The following THSD7A variants were observed in gnomAD, a reference collection of about 807,000 sequenced individuals.
The protein encoded by THSD7A is thrombospondin type 1 domain containing 7A.
THSD7A carries 96 observed loss-of-function variants against 231.3 expected under a neutral mutation model. The ratio of observed to expected loss-of-function variants is 0.41; its 90% CI spans 0.35 to 0.49. The LOEUF is 0.49. Among genes scored for constraint, THSD7A ranks in the 20% least tolerant of loss-of-function variants. THSD7A has a pLI of 0.05. For synonymous variants in THSD7A, 940 were observed against 743.3 expected (o/e 1.26, Z -4.30); for missense variants, 2,290 against 2,070.2 (o/e 1.11, Z -2.06).
At chr7:11,519,544 C>T (rs1788175890) in intron 6 of THSD7A, among the ~76,000 whole-genome samples, 1 of 152,302 alleles carries the variant, frequency 6.6e-6, no homozygotes, top group East Asian at 1.9e-4. Flanking sequence ...TCCACATCCT[C>T]GCTAACTCTT....
Position 11,376,624 on chromosome 7 carries a change from G to A in THSD7A, c.4835C>T (p.Ala1612Val). 1 of 1,587,776 alleles carries A rather than the reference G, an allele frequency of 6.3e-7. No homozygotes were observed. Among genetic ancestry groups the A allele is most frequent in the Non-Finnish European group, 8.6e-7 (1 of 1,166,184 alleles). Residue 1612 changes from alanine to valine, a missense_variant, in exon 27 of 28, where the codon GCA (alanine) becomes GTA (valine). By Grantham distance (64) the Ala-to-Val change is moderately conservative. Coordinates refer to ENST00000423059, the MANE Select transcript of THSD7A (RefSeq NM_015204.3). ...GRLKTWVYGV[A>V]AGAFVLLIFI... Reference sequence around the variant, plus strand: ...GATGAGTAACACAAATGCCCCAGCTGCTACACCGTAAACCCAGGTCTTTAG... The same window carrying A: ...GATGAGTAACACAAATGCCCCAGCTACTACACCGTAAACCCAGGTCTTTAG...
At position 11,412,722 on chromosome 7, in the gene THSD7A, T is replaced by C; in HGVS notation, c.3616A>G (p.Asn1206Asp). 6.2e-7 allele frequency: 1 copy of C among 1,613,776 alleles called. No homozygotes were observed. Among genetic ancestry groups the C allele is most frequent in the Non-Finnish European group, 8.5e-7 (1 of 1,179,818 alleles). ...TTACAGGGTTCTTTCTCAACAGCAT[T>C]AGGGCAAGATCTTCCTTCATCAGCT... ...QPADEGRSCP[N>D]AVEKEPCNLN... is the part of the protein sequence containing the mutation. Residue 1206 changes from asparagine (N) to aspartate (D), a missense_variant, in exon 18 of 28, where the codon AAT becomes GAT. Asn to Asp is a conservative substitution (Grantham distance 23, BLOSUM62 1). Transcript: ENST00000423059.
intron 11 of THSD7A, among the ~76,000 whole-genome samples, 194 bp from the exon 12 acceptor site, chr7:11,447,618 A>C (rs1785014705): frequency 6.6e-6 from 1 of 152,130 alleles, no homozygotes; most frequent in Non-Finnish European, 1.5e-5. Context: ...AATAACACAC[A>C]ACCCTGAGTG....
At chr7:11,698,470 A>G (rs1780469596) in intron 1 of THSD7A, among the ~76,000 whole-genome samples, 1 of 150,706 alleles carries the variant, frequency 6.6e-6, no homozygotes, top group Admixed American at 6.6e-5. Context: ...ACCTCTTACT[A>G]TATTTGCCAT....
At chr7:11,675,721 T>C (rs114397431) in intron 1 of THSD7A, among the ~76,000 whole-genome samples, 8,035 of 152,194 alleles carry the variant, frequency 0.053, 705 homozygotes, top group African/African-American at 0.18. Flanking sequence ...CTAGAATCCT[T>C]CTCTCTGGGC....
At chr7:11,754,281 G>A (rs1782604295) in intron 1 of THSD7A, among the ~76,000 whole-genome samples, 2 of 151,880 alleles carry the variant, frequency 1.3e-5, no homozygotes, top group Non-Finnish European at 2.9e-5. Context: ...AGAGAGTAAC[G>A]GAAGTGAGAA....
intron 4 of THSD7A, among the ~76,000 whole-genome samples, chr7:11,571,327 T>G (rs6949833): frequency 0.41 from 61,651 of 151,964 alleles, 13,166 homozygotes; most frequent in African/African-American, 0.54. Context: ...CTCATTTACT[T>G]ACTCATTCCC....
chr7:11,666,819 T>C (rs1210260298), intron 1 of THSD7A, among the ~76,000 whole-genome samples: 3 of 152,018 alleles, frequency 2.0e-5, no homozygotes, highest in Non-Finnish European at 4.4e-5. Context: ...AGAGCAGTAA[T>C]CAGATCATAA....
rs1427411570 is a variant in THSD7A, at chr7:11,417,372, CA to C, written c.3537+77del. 2.1e-5 allele frequency: 28 copies of C among 1,339,566 alleles called. 1 individual carries two copies. Among genetic ancestry groups the C allele is most frequent in the African/African-American group, 6.0e-5 (4 of 66,304 alleles). 83.0% of individuals were successfully genotyped at this position (1,339,566 alleles called of 1,614,324 possible). A position where few individuals can be genotyped will look rare whatever the true frequency, so the allele number is the denominator to read the frequency against. On this transcript the variant is annotated intron_variant, in intron 17 of 27. Transcript: ENST00000423059. The stretch of plus-strand genomic sequence containing the variant: ...GATTTTACATTGAAGTTATTATATT[CA>C]AAAAATAATGTCTTTAAAGCTTCAG...
At chr7:11,807,210 T>C (rs1449892467) in intron 1 of THSD7A, among the ~76,000 whole-genome samples, 1 of 152,142 alleles carries the variant, frequency 6.6e-6, no homozygotes, top group Non-Finnish European at 1.5e-5. Context: ...GGGGCAGCCA[T>C]ATGGGTAGAT....
chr7:11,823,821 C>G (rs1562580946), intron 1 of THSD7A, among the ~76,000 whole-genome samples: 1 of 151,764 alleles, frequency 6.6e-6, no homozygotes, highest in African/African-American at 2.4e-5. Context: ...AGCTTTTTTA[C>G]TGTTTGGGTA....
At chr7:11,687,643 G>T (rs926413997) in intron 1 of THSD7A, among the ~76,000 whole-genome samples, 1 of 151,836 alleles carries the variant, frequency 6.6e-6, no homozygotes, top group African/African-American at 2.4e-5. Flanking sequence ...TTTTAGTGTT[G>T]TTACTTGAGA....
At chr7:11,829,907 C>T (rs1583325217) in intron 1 of THSD7A, among the ~76,000 whole-genome samples, 1 of 151,932 alleles carries the variant, frequency 6.6e-6, no homozygotes, top group Non-Finnish European at 1.5e-5. Context: ...TCTTTAACAT[C>T]CTCATCACAC....
At chr7:11,826,683 G>A (rs996996105) in intron 1 of THSD7A, among the ~76,000 whole-genome samples, 1 of 151,872 alleles carries the variant, frequency 6.6e-6, no homozygotes, top group African/African-American at 2.4e-5. Flanking sequence ...ATGGTGGCGG[G>A]CACCTGTAAC....
chr7:11,769,435 A>G (rs116725061), intron 1 of THSD7A, among the ~76,000 whole-genome samples: 29 of 152,086 alleles, frequency 1.9e-4, no homozygotes, highest in African/African-American at 7.0e-4. Context: ...TAAGGCAGTG[A>G]GTCTGTAAGG....
At chr7:11,790,148 C>G (rs572845604) in intron 1 of THSD7A, among the ~76,000 whole-genome samples, 22 of 151,946 alleles carry the variant, frequency 1.4e-4, no homozygotes, top group African/African-American at 5.1e-4. Context: ...TAAAAGCACA[C>G]ATTATTGAAG....
chr7:11,558,558 G>A (rs185597503), intron 4 of THSD7A, among the ~76,000 whole-genome samples: 54 of 151,904 alleles, frequency 3.6e-4, no homozygotes, highest in Non-Finnish European at 5.7e-4. Context: ...AATTATTAGG[G>A]GCAAAGGAAA....
At chr7:11,567,284 A>G (rs1790390410) in intron 4 of THSD7A, among the ~76,000 whole-genome samples, 1 of 152,148 alleles carries the variant, frequency 6.6e-6, no homozygotes, top group African/African-American at 2.4e-5. Context: ...GGCAGCAGAA[A>G]AGACAAGTGC....
chr7:11,648,153 C>T (rs1435636007), intron 1 of THSD7A, among the ~76,000 whole-genome samples: 1 of 152,058 alleles, frequency 6.6e-6, no homozygotes, highest in Non-Finnish European at 1.5e-5. Flanking sequence ...CTACTTGTCC[C>T]TTGGTAAACA....
Sources: gnomAD v4.1 joint callset for allele counts (sites outside exome capture counted in the v4.1 genomes callset) on GRCh38, gnomAD v4.1.1 for gene constraint, MANE v1.5 for transcripts, NCBI Gene and HGNC (gene_info 2026-07-23, HGNC 2026-07-21) for gene names.